Variants in SORCS2 observed in about 807,000 individuals in gnomAD.
SORCS2 encodes VPS10 domain-containing receptor SorCS2.
Under a neutral mutation model 141.6 loss-of-function variants are expected in SORCS2, and 100 were observed. The observed-to-expected ratio is 0.71, with a 90% confidence interval of 0.60 to 0.83. The LOEUF (loss-of-function observed/expected upper bound fraction) is 0.83, where lower values mean the gene tolerates loss of function less well. SORCS2 is among the 40% of genes least tolerant of loss of function. The probability of loss-of-function intolerance (pLI) is 0.00; values close to 1 mark genes in which losing one functional copy is unlikely to be tolerated. For missense variants in SORCS2, 1,646 were observed against 1,560.2 expected (o/e 1.05, Z -0.93); for synonymous variants, 789 against 676.9 (o/e 1.17, Z -2.57).
At chr4:7,730,771 C>A (rs1439587459) in intron 23 of SORCS2, among the ~76,000 whole-genome samples, 1 of 152,164 alleles carries the variant, frequency 6.6e-6, no homozygotes, top group Non-Finnish European at 1.5e-5. Flanking sequence ...CTAGGGGATT[C>A]TTTGGGAGAG....
chr4:7,646,253 G>A (rs1161836985), intron 4 of SORCS2, among the ~76,000 whole-genome samples: 4 of 152,242 alleles, frequency 2.6e-5, no homozygotes, highest in Non-Finnish European at 5.9e-5. Context: ...GGACAGTGCC[G>A]CCAAGATGCA....
chr4:7,690,158 G>A (rs540477420), intron 11 of SORCS2, among the ~76,000 whole-genome samples: 1 of 151,590 alleles, frequency 6.6e-6, no homozygotes, highest in Non-Finnish European at 1.5e-5. Flanking sequence ...TGGGTGGGTG[G>A]GTGGATGGAT....
intron 21 of SORCS2, 91 bp downstream of exon 21, chr4:7,726,994 G>A: frequency 6.9e-7 from 1 of 1,454,176 alleles, no homozygotes; most frequent in South Asian, 1.4e-5. Context: ...AGCCATGGAT[G>A]TCCTGGTCAC....
chr4:7,726,888 G>T lies in SORCS2; in HGVS notation c.2854G>T (p.Val952Phe), dbSNP rs1453980499. The change falls in exon 21 of 27, where the codon GTC becomes TTC. Residue 952 changes from valine to phenylalanine, a missense_variant. Transcript: ENST00000507866. ...GAACTCGGTGCTGCAGGACTCCAGG[G>T]TCCTCCGTGTGCTGGGTAAGTACTT... ...CGNSVLQDSR[V>F]LRVLDQFQVM... The T allele has an allele frequency of 1.9e-6, 3 of 1,613,418 alleles. No homozygotes were observed. Among genetic ancestry groups the T allele is most frequent in the Non-Finnish European group, 2.5e-6 (3 of 1,179,642 alleles).
Position 7,193,138 on chromosome 4 carries a change from C to A in SORCS2, c.480+12C>A. ...GCGAGAACAGCAGCGTAAGTGACCT[C>A]CACGCGCTCGCCGCGGCCCCTACCC... On this transcript the variant is annotated intron_variant, in intron 1 of 26. Coordinates refer to ENST00000507866, the MANE Select transcript of SORCS2 (RefSeq NM_020777.3). This position sits in a 1 kb window ranked among gnomAD's most constrained non-coding sequence, Gnocchi z 4.8. 6.6e-7 allele frequency: 1 copy of A among 1,512,462 alleles called. No individual in the cohort carries two copies. The allele number at this position is 1,512,462 out of a possible 1,614,324, so 93.7% of individuals were successfully genotyped here. A position where few individuals can be genotyped will look rare whatever the true frequency, so the allele number is the denominator to read the frequency against.
chr4:7,395,674 GATGAATGA>G (rs1028543554), intron 1 of SORCS2, among the ~76,000 whole-genome samples: 2 of 151,950 alleles, frequency 1.3e-5, no homozygotes, highest in African/African-American at 4.8e-5. Flanking sequence ...CCCCGTGTGT[GATGAATGA>G]ATGAATGAAT....
chr4:7,534,337 C>CA (rs911107813), intron 3 of SORCS2, among the ~76,000 whole-genome samples: 3 of 151,418 alleles, frequency 2.0e-5, no homozygotes, highest in Non-Finnish European at 2.9e-5. Context: ...GGTCCCCCCC[C>CA]ATCAGGGAGC....
chr4:7,226,435 G>A (rs969710479), intron 1 of SORCS2, among the ~76,000 whole-genome samples: 5 of 152,150 alleles, frequency 3.3e-5, no homozygotes, highest in Non-Finnish European at 7.3e-5. Context: ...CATAGCTCAC[G>A]GTCAGTGCCG....
At chr4:7,703,215 C>T in intron 12 of SORCS2, 65 bp from the exon 13 acceptor site, 1 of 1,372,866 alleles carries the variant, frequency 7.3e-7, no homozygotes, top group Non-Finnish European at 1.0e-6. Flanking sequence ...CCAGGAGCCG[C>T]TCAGCCTGGA....
chr4:7,694,204 A>C (rs1010881744), intron 11 of SORCS2, among the ~76,000 whole-genome samples: 1 of 152,164 alleles, frequency 6.6e-6, no homozygotes, highest in Admixed American at 6.5e-5. Flanking sequence ...CTCTGCTGGC[A>C]TCAAGGAAGG....
intron 4 of SORCS2, among the ~76,000 whole-genome samples, chr4:7,647,328 C>T (rs961824084): frequency 2.0e-5 from 3 of 152,134 alleles, no homozygotes; most frequent in Admixed American, 1.3e-4. Context: ...GGCTTAACAA[C>T]GTGAACTCCC....
At chr4:7,345,032 C>A (rs796079040) in intron 1 of SORCS2, among the ~76,000 whole-genome samples, 3 of 152,242 alleles carry the variant, frequency 2.0e-5, no homozygotes, top group African/African-American at 4.8e-5. Context: ...CTGCTGCTGG[C>A]TGGAAGGGTA....
intron 22 of SORCS2, among the ~76,000 whole-genome samples, chr4:7,729,372 A>G (rs368278160): frequency 1.3e-5 from 2 of 152,022 alleles, no homozygotes; most frequent in Non-Finnish European, 2.9e-5. Context: ...ACAGGTCCTG[A>G]ATAGCAGGGC....
intron 1 of SORCS2, among the ~76,000 whole-genome samples, chr4:7,361,352 G>GC (rs1721568114): frequency 6.6e-6 from 1 of 152,210 alleles, no homozygotes; most frequent in Non-Finnish European, 1.5e-5. Context: ...AAGGAGAGGG[G>GC]CAAGGCAGCG....
intron 3 of SORCS2, among the ~76,000 whole-genome samples, chr4:7,588,699 A>C (rs1716706064): frequency 1.3e-5 from 2 of 152,324 alleles, no homozygotes; most frequent in Admixed American, 1.3e-4. Context: ...CATACCTTCA[A>C]GGAAAAACTA....
chr4:7,222,949 T>C (rs1395967996), intron 1 of SORCS2, among the ~76,000 whole-genome samples: 2 of 152,116 alleles, frequency 1.3e-5, no homozygotes, highest in African/African-American at 2.4e-5. Context: ...ACTTCTTTGC[T>C]TTTTTCAGGC....
intron 2 of SORCS2, among the ~76,000 whole-genome samples, chr4:7,418,720 T>C (rs896325178): frequency 5.2e-5 from 7 of 133,784 alleles, no homozygotes; most frequent in Non-Finnish European, 1.1e-4. Context: ...CCCCACCAGA[T>C]TTGTAGATTA....
intron 2 of SORCS2, chr4:7,430,847 G>C (rs1328953769): frequency 3.9e-5 from 6 of 152,252 alleles, no homozygotes; most frequent in African/African-American, 1.4e-4. Context: ...CGGCTATGGA[G>C]TCATTTGGAT....
chr4:7,411,015 G>T lies in SORCS2; in HGVS notation c.548+14660G>T, dbSNP rs536295044. ...TCTGTCGCCAGGCCAGAGTGTAGTG[G>T]TGTGATCTCGACTCACCGCAACCTC... On this transcript the variant is annotated intron_variant, in intron 2 of 26. Coordinates refer to ENST00000507866, the MANE Select transcript of SORCS2 (RefSeq NM_020777.3). 2.1e-5 allele frequency among the ~76,000 whole-genome samples: 3 copies of T among 140,250 alleles called. No individual in the cohort carries two copies. In the South Asian group the frequency reaches 7.1e-4, roughly 33 times the overall value. 92.0% of individuals were successfully genotyped at this position (140,250 alleles called of 152,430 possible).
Sources: gnomAD v4.1 joint callset for allele counts (sites outside exome capture counted in the v4.1 genomes callset) on GRCh38, gnomAD v4.1.1 for gene constraint, Gnocchi (gnomAD v3.1) non-coding constraint, MANE v1.5 for transcripts, NCBI Gene and HGNC (gene_info 2026-07-23, HGNC 2026-07-21) for gene names.